Variants in PDE4D observed in about 807,000 individuals in gnomAD.
The protein encoded by PDE4D is phosphodiesterase 4D.
PDE4D carries 24 observed loss-of-function variants against 87.4 expected under a neutral mutation model. The observed-to-expected ratio is 0.27, with a 90% CI of 0.20 to 0.39. The LOEUF (loss-of-function observed/expected upper bound fraction) is 0.39, where lower values mean the gene tolerates loss of function less well. PDE4D is among the 10% of genes least tolerant of loss of function. PDE4D has a pLI of 1.00. For missense variants in PDE4D, 714 were observed against 1,041.0 expected (o/e 0.69, Z 4.32); for synonymous variants, 384 against 383.2 (o/e 1.00, Z -0.02).
chr5:60,060,831 GTAATTGGTATCTCGATAGA>G (rs1357537658), intron 2 of PDE4D, among the ~76,000 whole-genome samples: 3 of 151,628 alleles, frequency 2.0e-5, no homozygotes, highest in Non-Finnish European at 3.0e-5. Flanking sequence ...TTAGAATTTG[GTAATTGGTATCTCGATAGA>G]TGCAGAAAAG....
At chr5:60,266,215 G>A (rs1295609130) in intron 1 of PDE4D, among the ~76,000 whole-genome samples, 4 of 152,040 alleles carry the variant, frequency 2.6e-5, no homozygotes, top group African/African-American at 4.8e-5. Context: ...AGAGAGAGAG[G>A]GAAACTGATT....
At chr5:60,471,235 A>T (rs780691873) in intron 1 of PDE4D, among the ~76,000 whole-genome samples, 9 of 152,188 alleles carry the variant, frequency 5.9e-5, no homozygotes, top group Admixed American at 1.3e-4. Context: ...TTAGAAGTGG[A>T]GCCTGAAGAT....
chr5:59,750,469 T>C (rs1760277495), intron 1 of PDE4D, among the ~76,000 whole-genome samples: 1 of 152,166 alleles, frequency 6.6e-6, no homozygotes, highest in South Asian at 2.1e-4. Flanking sequence ...CAATGAAATG[T>C]ACTTCTGCTG....
At chr5:59,137,818 G>A (rs896509541) in intron 5 of PDE4D, among the ~76,000 whole-genome samples, 9 of 152,176 alleles carry the variant, frequency 5.9e-5, no homozygotes, top group Non-Finnish European at 1.0e-4. Flanking sequence ...AAGCCACCAC[G>A]CCCAGCCTTA....
chr5:59,383,584 T>C (rs189751763), intron 1 of PDE4D, among the ~76,000 whole-genome samples: 150 of 152,274 alleles, frequency 9.9e-4, no homozygotes, highest in African/African-American at 3.4e-3. Flanking sequence ...TACCACTCCA[T>C]ATAAGCTACA....
At chr5:59,455,949 C>T (rs1220268297) in intron 1 of PDE4D, among the ~76,000 whole-genome samples, 1 of 152,178 alleles carries the variant, frequency 6.6e-6, no homozygotes, top group African/African-American at 2.4e-5. Context: ...TGGTATTTAC[C>T]CAATGCCTGT....
intron 1 of PDE4D, among the ~76,000 whole-genome samples, chr5:59,771,474 A>AAAGAGAGAGAGAGAGAG (rs1763486301): frequency 2.0e-5 from 2 of 97,802 alleles, no homozygotes; most frequent in African/African-American, 8.1e-5. Flanking sequence ...AGAAAGAAAG[A>AAAGAGAGAGAGAGAGAG]AAGAAAGAAA....
At chr5:59,342,342 A>G (rs542355579) in intron 1 of PDE4D, among the ~76,000 whole-genome samples, 1 of 152,052 alleles carries the variant, frequency 6.6e-6, no homozygotes, top group African/African-American at 2.4e-5. Context: ...TGCACAACAC[A>G]TGGTGCCTCT....
At chr5:59,882,034 T>C (rs1749502730) in intron 1 of PDE4D, among the ~76,000 whole-genome samples, 1 of 152,200 alleles carries the variant, frequency 6.6e-6, no homozygotes. Flanking sequence ...TGAACATCCT[T>C]CTGTTTCTCA....
intron 1 of PDE4D, among the ~76,000 whole-genome samples, chr5:60,435,574 T>C (rs1744694334): frequency 6.6e-6 from 1 of 152,098 alleles, no homozygotes; most frequent in African/African-American, 2.4e-5. Flanking sequence ...TCAAGATTTT[T>C]TTTTGAAACT....
chr5:60,261,513 AAAC>A (rs1237360071), intron 1 of PDE4D, among the ~76,000 whole-genome samples: 14 of 152,162 alleles, frequency 9.2e-5, no homozygotes, highest in Admixed American at 9.2e-4. Context: ...AATAATATAA[AAAC>A]AATCACAACA....
intron 1 of PDE4D, among the ~76,000 whole-genome samples, chr5:59,507,750 A>G (rs1487608955): frequency 6.6e-6 from 1 of 152,044 alleles, no homozygotes; most frequent in Non-Finnish European, 1.5e-5. Context: ...GCTAGAGAAC[A>G]AAGAACACAC....
chr5:60,281,095 G>T (rs921465305), intron 1 of PDE4D, among the ~76,000 whole-genome samples: 2 of 151,940 alleles, frequency 1.3e-5, no homozygotes, highest in African/African-American at 4.8e-5. Flanking sequence ...ACAAGGTCAG[G>T]GGGAGCTAAG....
At chr5:59,314,895 T>C (rs1005210284) in intron 1 of PDE4D, 6 of 152,000 alleles carry the variant, frequency 3.9e-5, no homozygotes, top group African/African-American at 1.4e-4. Flanking sequence ...ATGCAGGTGA[T>C]AGATGCAGGA....
rs77273792 is a variant in PDE4D at position 59,899,585 on chromosome 5, C to T, written c.272+88903G>A. ...GAAATATAAATAATAATATCAGATA[C>T]AGGAGCTCAGTGTTATGAAGCAAAC... On this transcript the variant is annotated intron_variant, in intron 3 of 16. Transcript: ENST00000502484. 7.0e-3 allele frequency among the ~76,000 whole-genome samples: 1,068 copies of T among 151,990 alleles called. 53 individuals carry two copies. The East Asian group carries it at 0.13, about 18-fold the overall frequency.
intron 2 of PDE4D, among the ~76,000 whole-genome samples, chr5:60,038,146 A>G (rs1357662894): frequency 6.6e-6 from 1 of 152,070 alleles, no homozygotes; most frequent in Non-Finnish European, 1.5e-5. Flanking sequence ...CTATTTGTCA[A>G]TTTTGGCTTT....
chr5:60,510,544 G>A (rs1439884977), intron 1 of PDE4D, among the ~76,000 whole-genome samples: 3 of 152,160 alleles, frequency 2.0e-5, no homozygotes, highest in Admixed American at 2.0e-4. Flanking sequence ...AATAACAGCT[G>A]GGAAGGACAC....
At chr5:59,337,149 A>C (rs1352303035) in intron 1 of PDE4D, among the ~76,000 whole-genome samples, 2 of 152,202 alleles carry the variant, frequency 1.3e-5, no homozygotes, top group Admixed American at 1.3e-4. Context: ...GGAAGGTCTC[A>C]AAACCTGAGC....
At chr5:59,460,305 C>T (rs186584487) in intron 1 of PDE4D, among the ~76,000 whole-genome samples, 1 of 152,106 alleles carries the variant, frequency 6.6e-6, no homozygotes, top group Non-Finnish European at 1.5e-5. Flanking sequence ...TTAAAGTAGA[C>T]AAACATTATG....
Sources: allele counts gnomAD v4.1 joint callset (sites outside exome capture counted in the v4.1 genomes callset), GRCh38; gene constraint gnomAD v4.1.1; transcripts MANE v1.5; gene names NCBI Gene and HGNC (gene_info 2026-07-23, HGNC 2026-07-21).